UBN2: variants seen among roughly 807,000 people sequenced by gnomAD.
The protein encoded by UBN2 is ubinuclein 2.
In UBN2, 35 loss-of-function variants were observed where a neutral mutation model predicts 120.2. That is an observed-to-expected ratio of 0.29 (90% CI 0.22 to 0.39). UBN2 has a LOEUF of 0.39. Among genes scored for constraint, UBN2 ranks in the 10% least tolerant of loss-of-function variants. The pLI, the probability that UBN2 is intolerant of heterozygous loss-of-function variation, is 1.00. For missense variants in UBN2, 1,693 were observed against 1,663.2 expected (o/e 1.02, Z -0.31); for synonymous variants, 661 against 648.7 (o/e 1.02, Z -0.29).
downstream of UBN2, among the ~76,000 whole-genome samples, chr7:139,310,982 T>C (rs745435728): frequency 3.3e-5 from 5 of 152,224 alleles, no homozygotes; most frequent in Non-Finnish European, 7.3e-5. Context: ...ATTTGCCATC[T>C]GTATATATTG....
At chr7:139,291,376 A>AC (rs1198752814) in intron 15 of UBN2, among the ~76,000 whole-genome samples, 2 of 151,268 alleles carry the variant, frequency 1.3e-5, no homozygotes, top group African/African-American at 4.8e-5. Flanking sequence ...AAAAAAAAAA[A>AC]AAAAAACATG....
intron 3 of UBN2, among the ~76,000 whole-genome samples, chr7:139,253,044 G>A (rs555178753): frequency 6.6e-6 from 1 of 152,256 alleles, no homozygotes; most frequent in South Asian, 2.1e-4. Flanking sequence ...GTCCTGAGAG[G>A]TAAATACTAA....
At chr7:139,245,097 C>CTTTTT (rs537219130) in intron 2 of UBN2, among the ~76,000 whole-genome samples, 1 of 100,334 alleles carries the variant, frequency 1.0e-5, no homozygotes, top group African/African-American at 4.6e-5. Context: ...CCATGCCCAG[C>CTTTTT]TTTTTTTTTT....
chr7:139,326,396 G>A, the UBN2 span, among the ~76,000 whole-genome samples: 1 of 152,116 alleles, frequency 6.6e-6, no homozygotes, highest in African/African-American at 2.4e-5. Flanking sequence ...TCTGAGGAAG[G>A]ACCTCCAGAA....
chr7:139,280,835 G>A (rs534784709), intron 13 of UBN2, among the ~76,000 whole-genome samples: 4 of 152,206 alleles, frequency 2.6e-5, no homozygotes, highest in South Asian at 4.1e-4. Flanking sequence ...TAGCAGAGAC[G>A]GGGTTTCACC....
chr7:139,313,188 G>T (rs1798470256), downstream of UBN2, among the ~76,000 whole-genome samples: 1 of 151,910 alleles, frequency 6.6e-6, no homozygotes, highest in Non-Finnish European at 1.5e-5. Context: ...ATATTGATTA[G>T]GATTGAATTT....
chr7:139,282,012 T>G lies in UBN2; in HGVS notation c.2075T>G (p.Met692Arg). ...PAPKPKVKEV[M>R]VKTLPLHSFP... is the part of the protein sequence containing the mutation. ...GCTTATGTAATACCTTAGGAGGTGA[T>G]GGTAAAGACCCTTCCTCTCCATTCT... is the stretch of plus-strand genomic sequence containing the variant. The change falls in exon 14 of 18, where the codon ATG becomes AGG. Residue 692 changes from methionine to arginine, a missense_variant. This residue lies in a region of UBN2 where 837 missense variants were observed against 817.6 expected (regional missense o/e 1.02). Coordinates refer to ENST00000473989, the MANE Select transcript of UBN2 (RefSeq NM_173569.4). 1 of 1,613,390 alleles carries G rather than the reference T, an allele frequency of 6.2e-7. No individual in the cohort carries two copies.
chr7:139,294,444 C>T (rs191562514), intron 17 of UBN2, among the ~76,000 whole-genome samples: 3 of 152,298 alleles, frequency 2.0e-5, no homozygotes, highest in Admixed American at 6.5e-5. Flanking sequence ...ACACAACTTG[C>T]CCAGATAACA....
the UBN2 span, among the ~76,000 whole-genome samples, chr7:139,316,233 C>G: frequency 2.6e-5 from 4 of 151,394 alleles, no homozygotes; most frequent in South Asian, 8.3e-4. Context: ...TTTGTAATAA[C>G]TAATAGTATT....
intron 1 of UBN2, 57 bp downstream of exon 1, chr7:139,232,009 T>C: frequency 6.5e-7 from 1 of 1,529,954 alleles, no homozygotes; most frequent in Non-Finnish European, 8.8e-7. Context: ...ACCCGCCGCC[T>C]TCCCCAGCTG....
chr7:139,274,096 A>T (rs1453434679), intron 11 of UBN2, 22 bp downstream of exon 11: 3 of 1,553,790 alleles, frequency 1.9e-6, no homozygotes, highest in Non-Finnish European at 2.6e-6. Context: ...GACTTACTGG[A>T]TTTTATTTTA....
In UBN2 at chr7:139,303,723, T is replaced by A. The variant is rs755857113; in HGVS notation, c.*5887T>A. 6.6e-6 allele frequency: 1 copy of A among 152,206 alleles called. No homozygotes were observed. The highest frequency in any genetic ancestry group is 2.1e-4 in the South Asian group (1 of 4,834). 9.4% of individuals were successfully genotyped at this position (152,206 alleles called of 1,614,324 possible). A position where few individuals can be genotyped will look rare whatever the true frequency, so the allele number is the denominator to read the frequency against. ...CAGAGGCTAAAAAATGTTTTCCTTA[T>A]AATGAGTATAAAAAGCACCCTATGG... On this transcript the variant is annotated 3_prime_UTR_variant, in exon 18 of 18. Transcript: ENST00000473989.
At chr7:139,323,176 G>A in the UBN2 span, among the ~76,000 whole-genome samples, 12 of 152,072 alleles carry the variant, frequency 7.9e-5, no homozygotes, top group African/African-American at 2.4e-4. Flanking sequence ...ATTGTTGGCC[G>A]GGTGCAGTGG....
chr7:139,274,771 AAAAAAG>A (rs1339858349), intron 11 of UBN2, among the ~76,000 whole-genome samples: 69 of 151,752 alleles, frequency 4.5e-4, no homozygotes, highest in African/African-American at 1.7e-3. Flanking sequence ...TCAAAAAAAA[AAAAAAG>A]AAAAAGAAAA....
chr7:139,246,162 C>T (rs544039743), intron 2 of UBN2, among the ~76,000 whole-genome samples: 4 of 152,176 alleles, frequency 2.6e-5, no homozygotes, highest in Middle Eastern at 3.4e-3. Flanking sequence ...GTCAGGGGTT[C>T]GAGACCAGCC....
chr7:139,283,918 C>A lies in UBN2; in HGVS notation c.3013C>A (p.Pro1005Thr), dbSNP rs1454646680. ...GSHPLVSRTVPSTTTSSNYLA... is the reference protein window; with the variant it reads ...GSHPLVSRTVTSTTTSSNYLA... ...CCACCCCCTGGTTTCTAGGACAGTA[C>A]CTAGCACCACTACCTCCAGTAACTA... The change falls in exon 15 of 18, where the codon CCT becomes ACT. Residue 1005 changes from proline (P) to threonine (T), a missense_variant. Physicochemically the swap from Pro to Thr is conservative, Grantham distance 38. This residue lies in a region of UBN2 where 837 missense variants were observed against 817.6 expected (regional missense o/e 1.02). Transcript: ENST00000473989. The A allele has an allele frequency of 2.5e-6, 4 of 1,614,142 alleles. No individual in the cohort carries two copies. The highest frequency in any genetic ancestry group is 3.4e-6 in the Non-Finnish European group (4 of 1,180,026).
Position 139,231,268 on chromosome 7 carries a change from G to A in UBN2, c.-217G>A, listed in dbSNP as rs1257682967. On this transcript the variant is annotated 5_prime_UTR_variant, in exon 1 of 18. Transcript: ENST00000473989. ...CTATTTATGTGGGGGATCCAACATG[G>A]CGGCCGCGGCGACCCTGGCGATGGC... 6.6e-6 allele frequency among the ~76,000 whole-genome samples: 1 copy of A among 152,270 alleles called. No individual in the cohort carries two copies. The highest frequency in any genetic ancestry group is 1.9e-4 in the East Asian group (1 of 5,196).
At chr7:139,270,017 C>T (rs992355721) in intron 8 of UBN2, among the ~76,000 whole-genome samples, 8 of 151,892 alleles carry the variant, frequency 5.3e-5, no homozygotes, top group African/African-American at 1.9e-4. Flanking sequence ...ACTGTGTTGC[C>T]GAGGCTGGTC....
intron 6 of UBN2, 100 bp downstream of exon 6, chr7:139,261,841 T>A (rs1370799348): frequency 1.6e-6 from 2 of 1,248,864 alleles, no homozygotes; most frequent in Non-Finnish European, 2.1e-6. Flanking sequence ...CTGGTATAAT[T>A]GCTTTTGTTT....
Sources: allele counts gnomAD v4.1 joint callset (sites outside exome capture counted in the v4.1 genomes callset), GRCh38; gene constraint gnomAD v4.1.1; regional missense constraint gnomAD v4.1.1; transcripts MANE v1.5; gene names NCBI Gene and HGNC (gene_info 2026-07-23, HGNC 2026-07-21).